Variants in BBS9 observed in about 807,000 individuals in gnomAD.
BBS9 encodes Bardet-Biedl syndrome 9.
A neutral mutation model predicts 117.7 loss-of-function variants in BBS9; 89 were observed. That is an observed-to-expected ratio of 0.76 (90% CI 0.64 to 0.90). The LOEUF is 0.90. BBS9 is among the 40% of genes least tolerant of loss of function. The probability of loss-of-function intolerance (pLI) is 0.00; values close to 1 mark genes in which losing one functional copy is unlikely to be tolerated. For synonymous variants in BBS9, 379 were observed against 370.9 expected (o/e 1.02, Z -0.25); for missense variants, 982 against 1,042.2 (o/e 0.94, Z 0.80).
At position 33,207,087 on chromosome 7, in the gene BBS9, G is replaced by T. The variant is rs76655259; in HGVS notation, c.442+29496G>T. The stretch of plus-strand genomic sequence containing the variant: ...ATTCTTCCTATATTATCACATAGAA[G>T]CATCCTCATTAATGATTAATTTTGA... On this transcript the variant is annotated intron_variant, in intron 5 of 22. Coordinates refer to ENST00000242067, the MANE Select transcript of BBS9 (RefSeq NM_198428.3). Among the ~76,000 whole-genome samples the T allele has an allele frequency of 0.022, 3,350 of 152,156 alleles. 226 individuals carry two copies. The East Asian group carries it at 0.27, about 12-fold the overall frequency.
At chr7:33,422,303 C>A (rs1832976755) in intron 19 of BBS9, among the ~76,000 whole-genome samples, 1 of 152,124 alleles carries the variant, frequency 6.6e-6, no homozygotes, top group African/African-American at 2.4e-5. Flanking sequence ...AAATATTATT[C>A]TGATGCAGAC....
chr7:33,357,712 C>T (rs1197838352), intron 15 of BBS9, 143 bp from the exon 16 acceptor site: 11 of 808,880 alleles, frequency 1.4e-5, no homozygotes, highest in Middle Eastern at 2.4e-4. Flanking sequence ...TAATAATTTA[C>T]AGTTATTTCA....
chr7:33,297,149 G>A (rs913480664), intron 9 of BBS9, among the ~76,000 whole-genome samples: 10 of 152,132 alleles, frequency 6.6e-5, no homozygotes, highest in African/African-American at 2.4e-4. Context: ...AATAACATAT[G>A]ACTCCAGGAG....
chr7:33,348,668 AT>A (rs1320957262), intron 12 of BBS9, among the ~76,000 whole-genome samples: 5 of 152,096 alleles, frequency 3.3e-5, no homozygotes. Flanking sequence ...ACCAATTTAC[AT>A]TTTCACTGGC....
rs146471208 is a variant in BBS9, at chr7:33,366,354, G to A, written c.1694-1413G>A. On this transcript the variant is annotated intron_variant, in intron 16 of 22. Transcript: ENST00000242067. ...GCCGATATAACCAGCCATTTGTTCC[G>A]TTTTGCTGCAGCTTCTTACATGGGC... Among the ~76,000 whole-genome samples, 400 of 152,006 alleles carry A rather than the reference G, an allele frequency of 2.6e-3. 3 individuals carry two copies. The highest frequency in any genetic ancestry group is 5.9e-4 in the Non-Finnish European group (40 of 67,970).
intron 9 of BBS9, among the ~76,000 whole-genome samples, chr7:33,302,790 G>A (rs575248805): frequency 2.0e-5 from 3 of 152,014 alleles, no homozygotes; most frequent in South Asian, 2.1e-4. Context: ...TAAATTGTAC[G>A]ATTATTTTTT....
chr7:33,554,215 A>G (rs375619714), intron 21 of BBS9, among the ~76,000 whole-genome samples: 3 of 152,238 alleles, frequency 2.0e-5, no homozygotes, highest in Admixed American at 6.5e-5. Flanking sequence ...TAGTGATCCT[A>G]TGAGTAGTAG....
intron 9 of BBS9, among the ~76,000 whole-genome samples, chr7:33,274,760 C>T (rs956375182): frequency 1.1e-4 from 16 of 151,996 alleles, no homozygotes; most frequent in East Asian, 3.9e-4. Flanking sequence ...TTTGGGAGGC[C>T]GAGGTGGTTG....
Position 33,604,763 on chromosome 7 carries a change from T to C in BBS9, c.2522-102T>C. The C allele has an allele frequency of 4.8e-6, 4 of 827,554 alleles. No homozygotes were observed. In the South Asian group the frequency reaches 5.8e-5, roughly 12 times the overall value. The allele number at this position is 827,554 out of a possible 1,614,324, so 51.3% of individuals were successfully genotyped here. A position where few individuals can be genotyped will look rare whatever the true frequency, so the allele number is the denominator to read the frequency against. Reference sequence around the variant, plus strand: ...CTCCTGAAGATTGTTGTCACGTCATTTATTATCTTTATGATCAGTGTGTTC... The same window carrying C: ...CTCCTGAAGATTGTTGTCACGTCATCTATTATCTTTATGATCAGTGTGTTC... On this transcript the variant is annotated intron_variant, in intron 21 of 22. Transcript: ENST00000242067.
At chr7:33,400,722 G>T (rs934741360) in intron 19 of BBS9, among the ~76,000 whole-genome samples, 1 of 152,100 alleles carries the variant, frequency 6.6e-6, no homozygotes, top group South Asian at 2.1e-4. Context: ...ATGTTTCTCT[G>T]TATATTAATA....
chr7:33,505,375 G>A, intron 19 of BBS9, 88 bp from the exon 20 acceptor site: 2 of 1,331,100 alleles, frequency 1.5e-6, no homozygotes. Flanking sequence ...AAGTTGTCTT[G>A]AAGAAAAACA....
intron 4 of BBS9, among the ~76,000 whole-genome samples, chr7:33,170,064 T>G (rs1028478144): frequency 6.6e-6 from 1 of 151,896 alleles, no homozygotes; most frequent in African/African-American, 2.4e-5. Context: ...ACTATTCCAA[T>G]CAATAGAAAA....
At chr7:33,527,160 A>T (rs1438142075) in intron 20 of BBS9, among the ~76,000 whole-genome samples, 2 of 151,990 alleles carry the variant, frequency 1.3e-5, no homozygotes, top group Admixed American at 1.3e-4. Context: ...AAGCTGTCAG[A>T]CAGGGACATT....
At chr7:33,622,859 A>G (rs1865475379) in intron 21 of BBS9, among the ~76,000 whole-genome samples, 1 of 152,232 alleles carries the variant, frequency 6.6e-6, no homozygotes, top group Non-Finnish European at 1.5e-5. Context: ...AAGCAATTGG[A>G]TAACCATATT....
chr7:33,397,959 T>C (rs1478409988), intron 19 of BBS9, among the ~76,000 whole-genome samples: 1 of 151,990 alleles, frequency 6.6e-6, no homozygotes, highest in Non-Finnish European at 1.5e-5. Context: ...ATCCTGCACA[T>C]GTACCCTTGA....
At chr7:33,539,096 G>A (rs1379975897) in intron 21 of BBS9, among the ~76,000 whole-genome samples, 2 of 152,128 alleles carry the variant, frequency 1.3e-5, no homozygotes, top group Non-Finnish European at 2.9e-5. Context: ...GAACTTGGGA[G>A]AACTTGACAA....
intron 19 of BBS9, among the ~76,000 whole-genome samples, chr7:33,445,449 A>T (rs1241054846): frequency 6.6e-6 from 1 of 152,292 alleles, no homozygotes; most frequent in African/African-American, 2.4e-5. Flanking sequence ...CCAGTACATC[A>T]TGGTAAATAT....
intron 20 of BBS9, among the ~76,000 whole-genome samples, chr7:33,524,667 T>A (rs1427518130): frequency 6.6e-6 from 1 of 152,184 alleles, no homozygotes; most frequent in Non-Finnish European, 1.5e-5. Context: ...TTGCTAGCGG[T>A]CTATCAATTT....
chr7:33,225,068 C>T (rs1021035191), intron 5 of BBS9, among the ~76,000 whole-genome samples: 1 of 152,088 alleles, frequency 6.6e-6, no homozygotes, highest in Non-Finnish European at 1.5e-5. Context: ...TCCCTGTTTT[C>T]AAAATTCAGG....
Sources: gnomAD v4.1 joint callset for allele counts (sites outside exome capture counted in the v4.1 genomes callset) on GRCh38, gnomAD v4.1.1 for gene constraint, MANE v1.5 for transcripts, NCBI Gene and HGNC (gene_info 2026-07-23, HGNC 2026-07-21) for gene names.